ZMYM2: variants seen among roughly 807,000 people sequenced by gnomAD.
ZMYM2 encodes the protein zinc finger MYM-type protein 2.
ZMYM2 carries 56 observed loss-of-function variants against 162.8 expected under a neutral mutation model. That is an observed-to-expected ratio of 0.34 (90% CI 0.28 to 0.43). ZMYM2 has a LOEUF of 0.43. Among genes scored for constraint, ZMYM2 ranks in the 20% least tolerant of loss-of-function variants. The pLI is 1.00. For missense variants in ZMYM2, 1,275 were observed against 1,621.8 expected (o/e 0.79, Z 3.67); for synonymous variants, 510 against 541.6 (o/e 0.94, Z 0.81).
At chr13:19,986,058 G>A (rs937504647) in intron 2 of ZMYM2, among the ~76,000 whole-genome samples, 3 of 151,766 alleles carry the variant, frequency 2.0e-5, no homozygotes, top group South Asian at 2.1e-4. Context: ...GGCGTGTGGC[G>A]TGTGCCTGTG....
upstream of ZMYM2, among the ~76,000 whole-genome samples, chr13:19,954,646 A>G (rs1029074381): frequency 6.6e-6 from 1 of 152,196 alleles, no homozygotes; most frequent in African/African-American, 2.4e-5. Flanking sequence ...ATGTCAACTT[A>G]AAACTAACAA....
At chr13:20,042,793 G>A (rs1446321266) in intron 12 of ZMYM2, among the ~76,000 whole-genome samples, 2 of 151,880 alleles carry the variant, frequency 1.3e-5, no homozygotes, top group Admixed American at 6.6e-5. Flanking sequence ...GCATGATCTT[G>A]GCTTACTGCA....
intron 2 of ZMYM2, among the ~76,000 whole-genome samples, chr13:19,966,444 T>C (rs1425847991): frequency 1.3e-5 from 2 of 150,004 alleles, no homozygotes; most frequent in East Asian, 1.9e-4. Flanking sequence ...TGAATTCTTA[T>C]ATGTCTATAA....
the ZMYM2 span, among the ~76,000 whole-genome samples, chr13:19,910,063 A>AAG: frequency 1.3e-4 from 19 of 151,498 alleles, no homozygotes; most frequent in Admixed American, 1.3e-3. Context: ...AAAAAAAAAA[A>AAG]AAAAATACAA....
chr13:19,976,323 C>A (rs1377137614), intron 2 of ZMYM2, among the ~76,000 whole-genome samples: 2 of 146,926 alleles, frequency 1.4e-5, no homozygotes, highest in East Asian at 3.9e-4. Flanking sequence ...TGAGACTGCA[C>A]CTCAAAAAAA....
intron 2 of ZMYM2, among the ~76,000 whole-genome samples, chr13:19,964,650 A>G (rs1331188414): frequency 6.6e-6 from 1 of 151,332 alleles, no homozygotes; most frequent in Non-Finnish European, 1.5e-5. Context: ...CTTAATTTAG[A>G]CCGTTCTCTT....
At chr13:19,989,573 A>G (rs1594209381) in intron 2 of ZMYM2, among the ~76,000 whole-genome samples, 2 of 152,128 alleles carry the variant, frequency 1.3e-5, no homozygotes, top group African/African-American at 4.8e-5. Flanking sequence ...GCCCGTCTAC[A>G]TGAGATGTTC....
At chr13:19,985,452 A>AG (rs1254867486) in intron 2 of ZMYM2, among the ~76,000 whole-genome samples, 1 of 152,124 alleles carries the variant, frequency 6.6e-6, no homozygotes, top group African/African-American at 2.4e-5. Flanking sequence ...ATCCCATTGT[A>AG]GGTTGGTACT....
At chr13:19,991,114 T>TAC (rs1949583808) in intron 2 of ZMYM2, among the ~76,000 whole-genome samples, 2 of 147,508 alleles carry the variant, frequency 1.4e-5, no homozygotes, top group East Asian at 2.0e-4. Context: ...TGTGTGTGTG[T>TAC]ACGTATGTGT....
At chr13:20,029,009 T>A (rs984667978) in intron 9 of ZMYM2, among the ~76,000 whole-genome samples, 1 of 152,190 alleles carries the variant, frequency 6.6e-6, no homozygotes, top group Non-Finnish European at 1.5e-5. Context: ...CCATATATTT[T>A]GAACTTTATA....
chr13:20,052,698 G>A (rs888125644), intron 14 of ZMYM2, among the ~76,000 whole-genome samples: 4 of 152,158 alleles, frequency 2.6e-5, no homozygotes, highest in African/African-American at 9.7e-5. Flanking sequence ...TGAAAGATAC[G>A]AATAAGCTGA....
chr13:20,066,769 T>A (rs1956712708), intron 19 of ZMYM2, 82 bp from the exon 20 acceptor site: 1 of 1,339,302 alleles, frequency 7.5e-7, no homozygotes. Context: ...GTAATTTGCC[T>A]TTGTTGAGAG....
chr13:19,893,727 G>A, the ZMYM2 span, among the ~76,000 whole-genome samples: 1 of 151,754 alleles, frequency 6.6e-6, no homozygotes, highest in African/African-American at 2.4e-5. Flanking sequence ...GCGACAGAGT[G>A]AGACTCTGTC....
intron 14 of ZMYM2, among the ~76,000 whole-genome samples, chr13:20,055,570 T>G (rs574263353): frequency 1.3e-5 from 2 of 152,212 alleles, no homozygotes; most frequent in Non-Finnish European, 2.9e-5. Flanking sequence ...AAAGCTGTGA[T>G]GTACCTTATG....
rs910336404 is a variant in ZMYM2 at position 20,083,130 on chromosome 13, T to C, written c.3820+98T>C. On this transcript the variant is annotated intron_variant, in intron 23 of 24. Coordinates refer to ENST00000610343, the MANE Select transcript of ZMYM2 (RefSeq NM_197968.4). ...CAGGCTGGAGTGCAGTGGTGCAGTC[T>C]CGGCTCACCGCAACCTCTACCTCCT... 12 of 1,285,512 alleles carry C rather than the reference T, an allele frequency of 9.3e-6. No individual in the cohort carries two copies. The African/African-American group carries it at 1.7e-4, about 18-fold the overall frequency. The allele number at this position is 1,285,512 out of a possible 1,614,324, so 79.6% of individuals were successfully genotyped here.
intron 9 of ZMYM2, among the ~76,000 whole-genome samples, chr13:20,029,758 C>A (rs1046292049): frequency 5.3e-5 from 8 of 152,034 alleles, no homozygotes; most frequent in African/African-American, 1.9e-4. Context: ...TAGAAAAAAT[C>A]TGTCAGTGTC....
intron 2 of ZMYM2, among the ~76,000 whole-genome samples, chr13:19,962,000 T>G (rs1955269672): frequency 6.6e-6 from 1 of 152,182 alleles, no homozygotes; most frequent in Admixed American, 6.5e-5. Context: ...TAATATCTGT[T>G]CCCTCCCACC....
At chr13:20,066,004 A>T (rs993563141) in intron 19 of ZMYM2, among the ~76,000 whole-genome samples, 1 of 152,156 alleles carries the variant, frequency 6.6e-6, no homozygotes, top group Admixed American at 6.5e-5. Flanking sequence ...TCTTATATTT[A>T]TTTTCTCATC....
At chr13:19,948,425 A>G in the ZMYM2 span, among the ~76,000 whole-genome samples, 1 of 152,248 alleles carries the variant, frequency 6.6e-6, no homozygotes, top group African/African-American at 2.4e-5. Flanking sequence ...GCGCTTAAAA[A>G]GAAATGAATG....
Sources: allele counts gnomAD v4.1 joint callset (sites outside exome capture counted in the v4.1 genomes callset), GRCh38; gene constraint gnomAD v4.1.1; transcripts MANE v1.5; gene names NCBI Gene and HGNC (gene_info 2026-07-23, HGNC 2026-07-21).